Variants in MAP4K4 observed in about 807,000 individuals in gnomAD.
MAP4K4 encodes mitogen-activated protein kinase kinase kinase kinase 4.
In MAP4K4, 38 loss-of-function variants were observed where a neutral mutation model predicts 189.6. The observed-to-expected ratio is 0.20, with a 90% CI of 0.15 to 0.26. MAP4K4 has a LOEUF of 0.26. Among genes scored for constraint, MAP4K4 ranks in the 10% least tolerant of loss-of-function variants. The pLI is 1.00. For missense variants in MAP4K4, 1,054 were observed against 1,726.9 expected, an observed-to-expected ratio of 0.61 and a Z score of 6.91; for synonymous variants, 610 against 624.3, an observed-to-expected ratio of 0.98 and a Z score of 0.34.
chr2:101,731,528 G>A (rs1221071442), intron 2 of MAP4K4, among the ~76,000 whole-genome samples: 1 of 152,176 alleles, frequency 6.6e-6, no homozygotes, highest in African/African-American at 2.4e-5. Context: ...GGAGGCCAAG[G>A]TGGGCAGATT....
intron 16 of MAP4K4, among the ~76,000 whole-genome samples, chr2:101,862,928 T>C (rs1392382543): frequency 1.3e-5 from 2 of 152,228 alleles, no homozygotes; most frequent in Non-Finnish European, 2.9e-5. Flanking sequence ...TACATTGATG[T>C]AATAGATATG....
At chr2:101,839,175 C>T (rs1317161818) in intron 9 of MAP4K4, among the ~76,000 whole-genome samples, 1 of 152,188 alleles carries the variant, frequency 6.6e-6, no homozygotes, top group Non-Finnish European at 1.5e-5. Context: ...CCATGGTCCT[C>T]ATGAGCTGGG....
intron 2 of MAP4K4, among the ~76,000 whole-genome samples, chr2:101,726,790 C>T (rs1346826920): frequency 6.6e-6 from 1 of 152,200 alleles, no homozygotes; most frequent in East Asian, 1.9e-4. Context: ...TTTTGACCCT[C>T]TCAGTCCTTT....
chr2:101,734,733 T>C (rs546139425), intron 2 of MAP4K4, among the ~76,000 whole-genome samples: 1 of 152,278 alleles, frequency 6.6e-6, no homozygotes, highest in South Asian at 2.1e-4. Flanking sequence ...CTGTTGCTTC[T>C]TCTTGAGAGA....
intron 2 of MAP4K4, among the ~76,000 whole-genome samples, chr2:101,701,387 G>A (rs1258292427): frequency 2.0e-5 from 3 of 152,196 alleles, no homozygotes; most frequent in African/African-American, 7.2e-5. Flanking sequence ...GTAGGGCTAA[G>A]AGTGACCTTT....
At chr2:101,855,845 TGG>T (rs941843656) in intron 12 of MAP4K4, 130 bp from the exon 13 acceptor site, 1 of 750,954 alleles carries the variant, frequency 1.3e-6, no homozygotes, top group African/African-American at 1.8e-5. Context: ...TGGAAATAAT[TGG>T]CCAGTAGATA....
intron 10 of MAP4K4, among the ~76,000 whole-genome samples, chr2:101,840,312 G>A (rs1485290600): frequency 1.3e-5 from 2 of 152,046 alleles, no homozygotes; most frequent in Non-Finnish European, 1.5e-5. Context: ...ATTTCACTGG[G>A]GTGTATTGAG....
intron 3 of MAP4K4, among the ~76,000 whole-genome samples, chr2:101,821,504 T>C (rs550607691): frequency 7.2e-5 from 11 of 152,196 alleles, no homozygotes; most frequent in Non-Finnish European, 7.3e-5. Context: ...AGTAGTTGTG[T>C]ATCTAAACAT....
intron 2 of MAP4K4, among the ~76,000 whole-genome samples, chr2:101,701,365 G>GTGTT: frequency 6.6e-6 from 1 of 152,150 alleles, no homozygotes; most frequent in African/African-American, 2.4e-5. Context: ...AGGGGGAGGG[G>GTGTT]TGTGTGTGGC....
At chr2:101,822,268 A>C (rs555663653) in intron 3 of MAP4K4, among the ~76,000 whole-genome samples, 1 of 152,368 alleles carries the variant, frequency 6.6e-6, no homozygotes, top group African/African-American at 2.4e-5. Flanking sequence ...AGTTTACAGT[A>C]GCCTTAACCA....
chr2:101,756,520 G>T (rs1281567714), intron 2 of MAP4K4, among the ~76,000 whole-genome samples: 2 of 152,026 alleles, frequency 1.3e-5, no homozygotes, highest in Non-Finnish European at 2.9e-5. Flanking sequence ...TGTCCTCTGG[G>T]GTCTGGTTCA....
chr2:101,852,311 G>A (rs1023571161), intron 12 of MAP4K4, among the ~76,000 whole-genome samples: 44 of 152,244 alleles, frequency 2.9e-4, no homozygotes, highest in African/African-American at 1.0e-3. Flanking sequence ...TAAATGCTAA[G>A]CGTTGGGTAA....
intron 2 of MAP4K4, among the ~76,000 whole-genome samples, chr2:101,711,095 G>C (rs912094745): frequency 6.6e-6 from 1 of 152,130 alleles, no homozygotes; most frequent in African/African-American, 2.4e-5. Context: ...AATAATATTT[G>C]GTAAACAGCT....
intron 2 of MAP4K4, among the ~76,000 whole-genome samples, chr2:101,757,026 G>A (rs980540274): frequency 3.9e-5 from 6 of 152,116 alleles, no homozygotes; most frequent in Admixed American, 6.6e-5. Context: ...GAGCACAGTG[G>A]TACAGGGTTT....
intron 12 of MAP4K4, among the ~76,000 whole-genome samples, chr2:101,845,187 AT>A (rs1156839915): frequency 1.4e-5 from 2 of 138,504 alleles, no homozygotes; most frequent in South Asian, 4.4e-4. Flanking sequence ...AAAAATAAAA[AT>A]AAAAAAAAAA....
intron 2 of MAP4K4, among the ~76,000 whole-genome samples, chr2:101,731,969 G>T (rs2058691364): frequency 6.6e-6 from 1 of 152,072 alleles, no homozygotes; most frequent in South Asian, 2.1e-4. Context: ...CCATAATTTT[G>T]TGTGGATTTA....
At chr2:101,883,106 T>TA (rs2098426165) in intron 28 of MAP4K4, among the ~76,000 whole-genome samples, 1 of 152,212 alleles carries the variant, frequency 6.6e-6, no homozygotes, top group South Asian at 2.1e-4. Flanking sequence ...ATTCTCCACT[T>TA]AGAGGTCTGG....
At chr2:101,849,319 G>C (rs2097205984) in intron 12 of MAP4K4, among the ~76,000 whole-genome samples, 1 of 151,948 alleles carries the variant, frequency 6.6e-6, no homozygotes, top group African/African-American at 2.4e-5. Context: ...GTAGAGATGG[G>C]GTTTCACCAT....
At chr2:101,828,369 G>A (rs1365585956) in intron 5 of MAP4K4, among the ~76,000 whole-genome samples, 1 of 152,204 alleles carries the variant, frequency 6.6e-6, no homozygotes, top group African/African-American at 2.4e-5. Flanking sequence ...ACCAAGCTGA[G>A]AGGAGGTGCT....
Sources: allele counts gnomAD v4.1 joint callset (sites outside exome capture counted in the v4.1 genomes callset), GRCh38; gene constraint gnomAD v4.1.1; transcripts MANE v1.5; gene names NCBI Gene and HGNC (gene_info 2026-07-23, HGNC 2026-07-21).